Variants in DLG2 observed in about 807,000 individuals in gnomAD.
DLG2 encodes the protein disks large homolog 2.
A neutral mutation model predicts 132.5 loss-of-function variants in DLG2; 45 were observed. That is an observed-to-expected ratio of 0.34 (90% CI 0.27 to 0.44). The LOEUF is 0.44. DLG2 is among the 20% of genes least tolerant of loss of function. The pLI is 1.00. For missense variants in DLG2, 1,045 were observed against 1,196.9 expected, an observed-to-expected ratio of 0.87 and a Z score of 1.87; for synonymous variants, 424 against 419.6, an observed-to-expected ratio of 1.01 and a Z score of -0.13.
At chr11:85,097,194 T>G (rs761544683) in intron 6 of DLG2, among the ~76,000 whole-genome samples, 81 of 152,306 alleles carry the variant, frequency 5.3e-4, no homozygotes, top group Non-Finnish European at 1.0e-3. Flanking sequence ...TCTGGTGCTT[T>G]TTTAGTTTCT....
intron 6 of DLG2, among the ~76,000 whole-genome samples, chr11:84,657,635 A>G (rs538737499): frequency 2.0e-5 from 3 of 152,260 alleles, no homozygotes; most frequent in South Asian, 4.1e-4. Flanking sequence ...ACAGTTCACA[A>G]TAGGTTTCCT....
chr11:83,981,227 G>A (rs2092748229), intron 11 of DLG2, among the ~76,000 whole-genome samples: 1 of 152,124 alleles, frequency 6.6e-6, no homozygotes, highest in Admixed American at 6.6e-5. Flanking sequence ...AGGAAAAGAA[G>A]CTAGATGCTT....
intron 7 of DLG2, among the ~76,000 whole-genome samples, chr11:84,294,192 CA>C (rs2098053823): frequency 6.6e-6 from 1 of 152,166 alleles, no homozygotes; most frequent in African/African-American, 2.4e-5. Context: ...GCTAAACAAC[CA>C]CTCTGTTTTT....
In DLG2 at chr11:84,908,994, G is replaced by T. The variant is rs1591089113; in HGVS notation, c.357+202667C>A. ...AGGTAGAAATAAATTCAAACCTAGG[G>T]CTATAAGACTTAAGTGGCAGGGTTA... is the stretch of plus-strand genomic sequence containing the variant. On this transcript the variant is annotated intron_variant, in intron 6 of 27. Transcript: ENST00000376104. 2.0e-5 allele frequency among the ~76,000 whole-genome samples: 3 copies of T among 151,678 alleles called. No homozygotes were observed. In the South Asian group the frequency reaches 6.3e-4, roughly 32 times the overall value.
intron 6 of DLG2, among the ~76,000 whole-genome samples, chr11:84,578,280 A>G (rs2099508072): frequency 6.6e-6 from 1 of 152,086 alleles, no homozygotes; most frequent in Non-Finnish European, 1.5e-5. Context: ...CTGTGCAAAG[A>G]GGGCCACTGT....
intron 3 of DLG2, among the ~76,000 whole-genome samples, chr11:85,350,742 G>A (rs966688688): frequency 5.9e-5 from 9 of 152,206 alleles, no homozygotes; most frequent in Admixed American, 4.6e-4. Context: ...TATTTCTGAG[G>A]CCTCTGTTCT....
intron 16 of DLG2, among the ~76,000 whole-genome samples, chr11:83,864,815 G>C (rs995541226): frequency 4.0e-5 from 6 of 150,652 alleles, no homozygotes; most frequent in Non-Finnish European, 5.9e-5. Context: ...AATATATGCA[G>C]AAAAAAAAAC....
intron 21 of DLG2, among the ~76,000 whole-genome samples, chr11:83,499,194 AC>A (rs527758761): frequency 1.4e-3 from 208 of 152,278 alleles, no homozygotes; most frequent in Middle Eastern, 3.4e-3. Flanking sequence ...ACATTTCCCA[AC>A]TTATTCTATG....
At chr11:84,951,589 C>CATAT (rs567522812) in intron 6 of DLG2, among the ~76,000 whole-genome samples, 80 of 149,990 alleles carry the variant, frequency 5.3e-4, no homozygotes, top group African/African-American at 1.9e-3. Flanking sequence ...TTAATACATA[C>CATAT]ATATATATAT....
intron 6 of DLG2, among the ~76,000 whole-genome samples, chr11:84,613,493 A>G (rs187125369): frequency 6.6e-5 from 10 of 152,198 alleles, no homozygotes; most frequent in Non-Finnish European, 1.5e-4. Flanking sequence ...TTCAACTGTA[A>G]GGTGAAGAAA....
At chr11:84,035,035 C>T (rs1481981670) in intron 11 of DLG2, among the ~76,000 whole-genome samples, 1 of 152,078 alleles carries the variant, frequency 6.6e-6, no homozygotes, top group Non-Finnish European at 1.5e-5. Context: ...AAGACCTTTC[C>T]AACCTCTGCT....
At chr11:84,302,479 G>C (rs534453380) in intron 7 of DLG2, among the ~76,000 whole-genome samples, 87 of 152,178 alleles carry the variant, frequency 5.7e-4, no homozygotes, top group African/African-American at 2.0e-3. Context: ...TCACTTAACA[G>C]ACATATATAA....
chr11:84,253,894 C>G lies in DLG2; in HGVS notation c.520-2603G>C, dbSNP rs192459304. Among the ~76,000 whole-genome samples the G allele has an allele frequency of 7.6e-4, 115 of 152,148 alleles. 1 individual carries two copies. Among genetic ancestry groups the G allele is most frequent in the African/African-American group, 2.6e-3 (110 of 41,530 alleles). ...AGGTGGTTCTATCACAAGAGTCTTG[C>G]AGTGATATGTCAGCCCTATACTAGA... On this transcript the variant is annotated intron_variant, in intron 7 of 27. Transcript: ENST00000376104.
chr11:84,596,889 T>A (rs1355669973), intron 6 of DLG2, among the ~76,000 whole-genome samples: 1 of 152,214 alleles, frequency 6.6e-6, no homozygotes, highest in African/African-American at 2.4e-5. Context: ...TCAGGCACTA[T>A]GCTAGGCATA....
chr11:84,834,332 T>C (rs2079432267), intron 6 of DLG2, among the ~76,000 whole-genome samples: 1 of 151,616 alleles, frequency 6.6e-6, no homozygotes, highest in South Asian at 2.1e-4. Context: ...GGGAATGATC[T>C]TTTCCAGCTG....
intron 3 of DLG2, among the ~76,000 whole-genome samples, chr11:85,395,696 C>A (rs1205643885): frequency 2.7e-5 from 4 of 146,046 alleles, no homozygotes; most frequent in African/African-American, 1.0e-4. Context: ...TGCAGCTTGA[C>A]AGGGGGAGGG....
intron 6 of DLG2, among the ~76,000 whole-genome samples, chr11:85,078,072 T>C (rs1171365181): frequency 6.6e-6 from 1 of 151,732 alleles, no homozygotes; most frequent in Non-Finnish European, 1.5e-5. Context: ...CAAACATTCA[T>C]GGAACACCCA....
At chr11:84,095,321 C>T (rs777965326) in intron 10 of DLG2, among the ~76,000 whole-genome samples, 4 of 152,176 alleles carry the variant, frequency 2.6e-5, no homozygotes, top group African/African-American at 9.7e-5. Flanking sequence ...CACCTCAGAA[C>T]ATCTCAGTGA....
chr11:84,950,470 T>A (rs1172139140), intron 6 of DLG2, among the ~76,000 whole-genome samples: 2 of 152,214 alleles, frequency 1.3e-5, no homozygotes, highest in African/African-American at 4.8e-5. Flanking sequence ...ATAGACTTCC[T>A]GAAAGTAGAA....
Sources: gnomAD v4.1 joint callset for allele counts (sites outside exome capture counted in the v4.1 genomes callset) on GRCh38, gnomAD v4.1.1 for gene constraint, MANE v1.5 for transcripts, NCBI Gene and HGNC (gene_info 2026-07-23, HGNC 2026-07-21) for gene names.